The following ZNF407 variants were observed in gnomAD, a reference collection of about 807,000 sequenced individuals.
ZNF407 encodes the protein zinc finger protein 407.
Under a neutral mutation model 131.2 loss-of-function variants are expected in ZNF407, and 17 were observed. The ratio of observed to expected loss-of-function variants is 0.13; its 90% confidence interval spans 0.09 to 0.19. The LOEUF is 0.19. Ranked by LOEUF, ZNF407 falls within the 10% of genes least tolerant of loss-of-function variation. ZNF407 has a pLI of 1.00. For missense variants in ZNF407, 2,681 were observed against 2,830.6 expected (o/e 0.95, Z 1.20); for synonymous variants, 1,156 against 1,062.0 (o/e 1.09, Z -1.72).
chr18:75,011,277 T>C (rs1972971073), intron 8 of ZNF407, among the ~76,000 whole-genome samples: 1 of 152,178 alleles, frequency 6.6e-6, no homozygotes, highest in Non-Finnish European at 1.5e-5. Flanking sequence ...ACTACCTTTC[T>C]CTGCGAATAA....
chr18:74,845,235 T>C (rs554204595), intron 4 of ZNF407, among the ~76,000 whole-genome samples: 1 of 152,370 alleles, frequency 6.6e-6, no homozygotes, highest in African/African-American at 2.4e-5. Flanking sequence ...GATGCTAAAG[T>C]TCTCCTCCTT....
intron 6 of ZNF407, among the ~76,000 whole-genome samples, chr18:74,884,885 A>G (rs1255120878): frequency 6.6e-6 from 1 of 152,128 alleles, no homozygotes; most frequent in Non-Finnish European, 1.5e-5. Flanking sequence ...GGAGTTCATG[A>G]TGTCATCCTT....
At chr18:74,781,879 G>A (rs1044498561) in intron 4 of ZNF407, among the ~76,000 whole-genome samples, 18 of 152,118 alleles carry the variant, frequency 1.2e-4, no homozygotes, top group African/African-American at 4.3e-4. Flanking sequence ...TAACAGTTTT[G>A]AATTCTTACT....
chr18:75,045,197 AAATG>A (rs1296346787), intron 8 of ZNF407, among the ~76,000 whole-genome samples: 1 of 152,148 alleles, frequency 6.6e-6, no homozygotes, highest in Admixed American at 6.5e-5. Context: ...GTGTATGAAA[AAATG>A]TGCAGATGTG....
intron 8 of ZNF407, among the ~76,000 whole-genome samples, chr18:75,052,399 C>T (rs1267204007): frequency 6.6e-6 from 1 of 152,092 alleles, no homozygotes; most frequent in African/African-American, 2.4e-5. Context: ...AAAACAACAA[C>T]AAAGAGTGGG....
At chr18:74,810,448 A>G (rs1232259930) in intron 4 of ZNF407, among the ~76,000 whole-genome samples, 1 of 151,974 alleles carries the variant, frequency 6.6e-6, no homozygotes, top group Non-Finnish European at 1.5e-5. Flanking sequence ...TTTAAAGCTG[A>G]GTGGCCTTAT....
intron 3 of ZNF407, among the ~76,000 whole-genome samples, chr18:74,650,722 A>G (rs911868264): frequency 3.3e-5 from 5 of 152,192 alleles, no homozygotes; most frequent in Admixed American, 1.3e-4. Flanking sequence ...GGGGTGGGCC[A>G]CGGGAATATT....
At chr18:74,988,205 C>A (rs1280683860) in intron 8 of ZNF407, among the ~76,000 whole-genome samples, 2 of 152,058 alleles carry the variant, frequency 1.3e-5, no homozygotes, top group Admixed American at 1.3e-4. Flanking sequence ...TATTATATAT[C>A]CATATAAAAA....
At chr18:74,626,408 ATTC>A (rs1983787986) in intron 1 of ZNF407, among the ~76,000 whole-genome samples, 1 of 152,214 alleles carries the variant, frequency 6.6e-6, no homozygotes, top group Non-Finnish European at 1.5e-5. Flanking sequence ...ACACATGGAT[ATTC>A]TTGCTCAAGT....
chr18:74,889,813 A>G, intron 6 of ZNF407, 105 bp from the exon 7 acceptor site: 1 of 1,050,390 alleles, frequency 9.5e-7, no homozygotes, highest in Non-Finnish European at 1.4e-6. Context: ...CATATTCTTG[A>G]CATTTCATGG....
chr18:74,630,117 AATC>A (rs1047356888), intron 1 of ZNF407, among the ~76,000 whole-genome samples: 1 of 151,872 alleles, frequency 6.6e-6, no homozygotes, highest in African/African-American at 2.4e-5. Context: ...TATTTAGAAA[AATC>A]ATGGTAAAGC....
At chr18:74,902,843 A>G (rs558953945) in intron 7 of ZNF407, among the ~76,000 whole-genome samples, 8 of 152,320 alleles carry the variant, frequency 5.3e-5, no homozygotes, top group Admixed American at 4.6e-4. Context: ...GCCTATGGCA[A>G]CGTAGTATAA....
intron 7 of ZNF407, among the ~76,000 whole-genome samples, chr18:74,902,711 A>G (rs1354564599): frequency 3.9e-5 from 6 of 152,232 alleles, no homozygotes; most frequent in Admixed American, 2.6e-4. Context: ...TAAAATTAAT[A>G]AAGTATGCAT....
intron 7 of ZNF407, among the ~76,000 whole-genome samples, chr18:74,911,605 CA>C (rs1971671962): frequency 6.6e-6 from 1 of 152,068 alleles, no homozygotes; most frequent in Non-Finnish European, 1.5e-5. Context: ...CACACATCCA[CA>C]AAAGAAACAA....
chr18:74,689,840 G>C (rs570851877), intron 3 of ZNF407, among the ~76,000 whole-genome samples: 1 of 152,280 alleles, frequency 6.6e-6, no homozygotes, highest in Non-Finnish European at 1.5e-5. Flanking sequence ...GCAGATAACA[G>C]CTGGGGGCTT....
At chr18:74,622,835 AGTGT>A (rs1353547459) in intron 1 of ZNF407, among the ~76,000 whole-genome samples, 1 of 4,096 alleles carries the variant, frequency 2.4e-4, no homozygotes, top group East Asian at 7.9e-3. Context: ...AGTACGTGTG[AGTGT>A]GTATCTGAAT....
At chr18:74,624,037 T>TA (rs772759566) in intron 1 of ZNF407, among the ~76,000 whole-genome samples, 3 of 152,190 alleles carry the variant, frequency 2.0e-5, no homozygotes, top group Admixed American at 6.5e-5. Context: ...CTTGAAACCT[T>TA]ACTGTGGGAA....
At chr18:74,737,792 T>C (rs991107537) in intron 3 of ZNF407, among the ~76,000 whole-genome samples, 5 of 152,244 alleles carry the variant, frequency 3.3e-5, no homozygotes, top group Non-Finnish European at 5.9e-5. Context: ...TTTAAAATTC[T>C]TGGGGATGTG....
intron 8 of ZNF407, 98 bp downstream of exon 8, chr18:74,920,790 G>T: frequency 2.1e-6 from 3 of 1,419,664 alleles, no homozygotes. Context: ...TTATTGTAAT[G>T]GAGTAGAGTA....
Sources: allele counts gnomAD v4.1 joint callset (sites outside exome capture counted in the v4.1 genomes callset), GRCh38; gene constraint gnomAD v4.1.1; transcripts MANE v1.5; gene names NCBI Gene and HGNC (gene_info 2026-07-23, HGNC 2026-07-21).